GALNTL5: variants seen among roughly 807,000 people sequenced by gnomAD.
GALNTL5 encodes the protein inactive polypeptide N-acetylgalactosaminyltransferase-like protein 5.
In GALNTL5, 44 loss-of-function variants were observed where a neutral mutation model predicts 51.0. The observed-to-expected ratio is 0.86, with a 90% CI of 0.68 to 1.11. GALNTL5 has a LOEUF of 1.11. Ranked by LOEUF, GALNTL5 falls within the 50% of genes least tolerant of loss-of-function variation. The probability of loss-of-function intolerance (pLI) is 0.00; values close to 1 mark genes in which losing one functional copy is unlikely to be tolerated. For synonymous variants in GALNTL5, 192 were observed against 182.8 expected (o/e 1.05, Z -0.41); for missense variants, 528 against 531.8 (o/e 0.99, Z 0.07).
At chr7:151,973,362 G>A (rs2081170626) in intron 3 of GALNTL5, among the ~76,000 whole-genome samples, 1 of 152,032 alleles carries the variant, frequency 6.6e-6, no homozygotes, top group South Asian at 2.1e-4. Context: ...CTACTTGGGA[G>A]GCTGAGGCAG....
intron 5 of GALNTL5, among the ~76,000 whole-genome samples, chr7:151,993,902 A>G (rs536730792): frequency 2.4e-4 from 36 of 152,318 alleles, no homozygotes; most frequent in Admixed American, 3.3e-4. Flanking sequence ...GATTACAGGC[A>G]TGAGCCACCA....
At chr7:151,964,564 G>A (rs1032222112) in intron 1 of GALNTL5, among the ~76,000 whole-genome samples, 13 of 152,096 alleles carry the variant, frequency 8.5e-5, no homozygotes, top group Non-Finnish European at 1.6e-4. Context: ...GCTCCTCCTT[G>A]CCTTCCAGCC....
intron 5 of GALNTL5, among the ~76,000 whole-genome samples, chr7:152,000,356 T>G (rs2081556434): frequency 6.6e-6 from 1 of 152,190 alleles, no homozygotes; most frequent in African/African-American, 2.4e-5. Context: ...CAGAATAGAA[T>G]GCACTTGCCC....
chr7:152,016,996 C>A (rs79748008), intron 8 of GALNTL5, among the ~76,000 whole-genome samples: 8,541 of 150,970 alleles, frequency 0.057, 796 homozygotes, highest in African/African-American at 0.19. Context: ...CAAGATCACA[C>A]CACCGCACTC....
chr7:152,016,931 G>C (rs1461461755), intron 8 of GALNTL5, among the ~76,000 whole-genome samples: 1 of 151,662 alleles, frequency 6.6e-6, no homozygotes, highest in Non-Finnish European at 1.5e-5. Context: ...CCAGCTACTC[G>C]GGAGGCTGAA....
intron 5 of GALNTL5, among the ~76,000 whole-genome samples, chr7:151,990,856 A>T (rs1490114463): frequency 1.3e-5 from 2 of 152,058 alleles, no homozygotes; most frequent in African/African-American, 4.8e-5. Flanking sequence ...GACCACATGG[A>T]GGGCTTCCCT....
chr7:151,992,977 C>A lies in GALNTL5; in HGVS notation c.658+5696C>A, dbSNP rs115966791. ...TGCGGACTGGACACGATGGCTCATGCCTAGAATCCCCGCACTTTGAGAGGC... is the reference window on the plus strand; with the variant it reads ...TGCGGACTGGACACGATGGCTCATGACTAGAATCCCCGCACTTTGAGAGGC... On this transcript the variant is annotated intron_variant, in intron 5 of 8. Coordinates refer to ENST00000392800, the MANE Select transcript of GALNTL5 (RefSeq NM_145292.4). Among the ~76,000 whole-genome samples, 864 of 152,236 alleles carry A rather than the reference C, an allele frequency of 5.7e-3. 6 individuals are homozygous for A. The highest frequency in any genetic ancestry group is 0.02 in the African/African-American group (828 of 41,546).
In GALNTL5 at chr7:152,013,286, C is replaced by G. The variant is rs554743609; in HGVS notation, c.1027-1358C>G. Among the ~76,000 whole-genome samples, 7 of 151,980 alleles carry G rather than the reference C, an allele frequency of 4.6e-5. No individual in the cohort carries two copies. The East Asian group carries it at 1.4e-3, about 29-fold the overall frequency. On this transcript the variant is annotated intron_variant, in intron 7 of 8. Transcript: ENST00000392800. Reference sequence around the variant, plus strand: ...ATGAAATGACCTGTGCTCAAAACCCCCAGACATGCATTTTACCCATGTAAC... The same window carrying G: ...ATGAAATGACCTGTGCTCAAAACCCGCAGACATGCATTTTACCCATGTAAC...
At chr7:151,988,610 C>G (rs938637313) in intron 5 of GALNTL5, among the ~76,000 whole-genome samples, 1 of 151,972 alleles carries the variant, frequency 6.6e-6, no homozygotes, top group Non-Finnish European at 1.5e-5. Flanking sequence ...AAACCAAACA[C>G]AATATGGAGA....
intron 5 of GALNTL5, among the ~76,000 whole-genome samples, chr7:151,989,722 T>A (rs1403004335): frequency 6.6e-6 from 1 of 152,220 alleles, no homozygotes; most frequent in Non-Finnish European, 1.5e-5. Context: ...TTGCCCTTTC[T>A]CTGCAGCCAG....
intron 3 of GALNTL5, among the ~76,000 whole-genome samples, chr7:151,980,808 G>C (rs58612263): frequency 0.4 from 51,503 of 127,308 alleles, 11,619 homozygotes; most frequent in East Asian, 0.56. Context: ...TGCAGTGGCG[G>C]GATCTCGGCT....
chr7:151,960,591 C>G (rs6464189), intron 1 of GALNTL5: 44,775 of 152,388 alleles, frequency 0.29, 7,621 homozygotes, highest in African/African-American at 0.44. Flanking sequence ...AGAGGAAGAG[C>G]CTAGATGGCA....
chr7:151,969,721 G>C (rs1397398862), intron 2 of GALNTL5, among the ~76,000 whole-genome samples: 1 of 152,140 alleles, frequency 6.6e-6, no homozygotes, highest in African/African-American at 2.4e-5. Flanking sequence ...TCAAACATTT[G>C]ATTTATGGCC....
chr7:151,984,979 G>T (rs1401874579), intron 4 of GALNTL5, among the ~76,000 whole-genome samples: 1 of 152,166 alleles, frequency 6.6e-6, no homozygotes, highest in Non-Finnish European at 1.5e-5. Context: ...CAAACTGGGT[G>T]GCTTAAACAA....
At chr7:151,962,521 C>T (rs1471486134) in intron 1 of GALNTL5, among the ~76,000 whole-genome samples, 2 of 149,074 alleles carry the variant, frequency 1.3e-5, no homozygotes, top group Non-Finnish European at 3.0e-5. Context: ...TTACCATCAG[C>T]TGTGTCATCC....
chr7:151,968,227 A>G (rs2081084486), intron 2 of GALNTL5, among the ~76,000 whole-genome samples: 2 of 152,144 alleles, frequency 1.3e-5, no homozygotes, highest in South Asian at 4.2e-4. Context: ...TGAGCCCAGG[A>G]AGTCAAGGTT....
intron 5 of GALNTL5, among the ~76,000 whole-genome samples, chr7:151,999,816 G>A (rs2081548333): frequency 6.6e-6 from 1 of 152,186 alleles, no homozygotes; most frequent in Non-Finnish European, 1.5e-5. Flanking sequence ...TTAAAAATGG[G>A]ACTCTTGTTA....
intron 5 of GALNTL5, among the ~76,000 whole-genome samples, chr7:151,991,241 C>CA (rs1286956075): frequency 6.6e-6 from 1 of 152,092 alleles, no homozygotes; most frequent in Admixed American, 6.6e-5. Flanking sequence ...TACAAGCACC[C>CA]ACCACCACAC....
chr7:151,981,741 C>G (rs1193208606), intron 3 of GALNTL5, among the ~76,000 whole-genome samples: 1 of 147,950 alleles, frequency 6.8e-6, no homozygotes, highest in Non-Finnish European at 1.5e-5. Flanking sequence ...TTCTCTCTCC[C>G]AGGTTCAAAA....
Sources: gnomAD v4.1 joint callset for allele counts (sites outside exome capture counted in the v4.1 genomes callset) on GRCh38, gnomAD v4.1.1 for gene constraint, MANE v1.5 for transcripts, NCBI Gene and HGNC (gene_info 2026-07-23, HGNC 2026-07-21) for gene names.